MARCHF1: variants seen among roughly 807,000 people sequenced by gnomAD.
MARCHF1 encodes the protein membrane associated ring-CH-type finger 1.
Under a neutral mutation model 54.2 loss-of-function variants are expected in MARCHF1, and 40 were observed. That is an observed-to-expected ratio of 0.74 (90% CI 0.57 to 0.96). MARCHF1 has a LOEUF of 0.96. Among genes scored for constraint, MARCHF1 ranks in the 40% least tolerant of loss-of-function variants. The pLI is 0.00. For synonymous variants in MARCHF1, 236 were observed against 236.3 expected, an observed-to-expected ratio of 1.00 and a Z score of 0.01; for missense variants, 586 against 656.5, an observed-to-expected ratio of 0.89 and a Z score of 1.17.
intron 1 of MARCHF1, among the ~76,000 whole-genome samples, chr4:164,176,324 C>T (rs555411483): frequency 1.2e-4 from 19 of 152,090 alleles, no homozygotes; most frequent in Admixed American, 2.6e-4. Flanking sequence ...GCTTGCCACA[C>T]GCACAGACAT....
intron 3 of MARCHF1, among the ~76,000 whole-genome samples, chr4:163,883,252 T>C (rs1750456538): frequency 2.2e-5 from 1 of 45,010 alleles, no homozygotes; most frequent in Non-Finnish European, 5.2e-5. Flanking sequence ...TGTGTATATA[T>C]ATATATGAGA....
chr4:164,015,900 C>CCAA (rs1560862795), intron 2 of MARCHF1, among the ~76,000 whole-genome samples: 1 of 143,564 alleles, frequency 7.0e-6, no homozygotes. Context: ...TAAGTTTCCC[C>CCAA]AAAAAAAAAA....
chr4:164,037,217 G>C (rs1024045293), intron 2 of MARCHF1, among the ~76,000 whole-genome samples: 2 of 152,146 alleles, frequency 1.3e-5, no homozygotes, highest in African/African-American at 4.8e-5. Context: ...GGATATGCAA[G>C]TCTGAAATTC....
intron 1 of MARCHF1, among the ~76,000 whole-genome samples, chr4:164,188,103 G>T (rs1731020750): frequency 6.6e-6 from 1 of 152,152 alleles, no homozygotes; most frequent in African/African-American, 2.4e-5. Context: ...CTCGAAAGCC[G>T]AGGGCGACAT....
chr4:163,795,866 C>G (rs1022385377), intron 4 of MARCHF1, among the ~76,000 whole-genome samples: 1 of 152,046 alleles, frequency 6.6e-6, no homozygotes, highest in Non-Finnish European at 1.5e-5. Context: ...ATAACATAAA[C>G]AGTTGATTAA....
intron 4 of MARCHF1, among the ~76,000 whole-genome samples, chr4:163,752,200 C>T (rs1561058162): frequency 6.6e-6 from 1 of 152,120 alleles, no homozygotes; most frequent in Non-Finnish European, 1.5e-5. Context: ...GTAAATGCAA[C>T]ACCTAAATGC....
At chr4:164,156,301 G>C (rs1213195130) in intron 1 of MARCHF1, among the ~76,000 whole-genome samples, 1 of 152,132 alleles carries the variant, frequency 6.6e-6, no homozygotes, top group Non-Finnish European at 1.5e-5. Flanking sequence ...AAAATGTCTA[G>C]TATATAGTCC....
At chr4:163,767,395 G>A (rs529333858) in intron 4 of MARCHF1, among the ~76,000 whole-genome samples, 94 of 151,160 alleles carry the variant, frequency 6.2e-4, no homozygotes, top group Non-Finnish European at 1.0e-3. Flanking sequence ...GTGCAGTGGC[G>A]CGATCTCGGC....
intron 3 of MARCHF1, among the ~76,000 whole-genome samples, chr4:163,945,398 A>G (rs1434391658): frequency 6.6e-6 from 1 of 152,184 alleles, no homozygotes; most frequent in African/African-American, 2.4e-5. Context: ...ATAGCTGTCA[A>G]TCTGTTTGGG....
intron 1 of MARCHF1, among the ~76,000 whole-genome samples, chr4:164,298,392 G>A (rs1458083515): frequency 1.3e-5 from 2 of 151,772 alleles, no homozygotes; most frequent in Non-Finnish European, 2.9e-5. Flanking sequence ...AAAAACCTAT[G>A]GTCTGAAATC....
chr4:163,921,934 G>A (rs1316296355), intron 3 of MARCHF1, among the ~76,000 whole-genome samples: 1 of 152,022 alleles, frequency 6.6e-6, no homozygotes, highest in African/African-American at 2.4e-5. Flanking sequence ...GTTTATTGCG[G>A]CACTATTCAC....
At chr4:164,291,172 TAC>T (rs1734275422) in intron 1 of MARCHF1, among the ~76,000 whole-genome samples, 1 of 151,966 alleles carries the variant, frequency 6.6e-6, no homozygotes, top group Non-Finnish European at 1.5e-5. Context: ...AAAATTTGGG[TAC>T]AGTTTTTCTA....
At chr4:164,123,334 C>T (rs1756110792) in intron 1 of MARCHF1, among the ~76,000 whole-genome samples, 1 of 151,976 alleles carries the variant, frequency 6.6e-6, no homozygotes, top group South Asian at 2.1e-4. Flanking sequence ...AAAAATACTC[C>T]ACGTTTAAGG....
intron 1 of MARCHF1, among the ~76,000 whole-genome samples, chr4:164,235,595 G>A (rs1029253814): frequency 2.0e-5 from 3 of 152,122 alleles, no homozygotes; most frequent in Non-Finnish European, 4.4e-5. Context: ...CAACTTGGAT[G>A]GAGCTGGAGA....
chr4:163,786,941 C>T (rs182215334), intron 4 of MARCHF1, among the ~76,000 whole-genome samples: 77 of 151,928 alleles, frequency 5.1e-4, no homozygotes, highest in African/African-American at 1.7e-3. Context: ...CTTGAGAATA[C>T]GGTCAAATGA....
chr4:164,363,834 C>T (rs531376966), intron 1 of MARCHF1, among the ~76,000 whole-genome samples: 6 of 151,864 alleles, frequency 4.0e-5, no homozygotes, highest in African/African-American at 1.4e-4. Flanking sequence ...CTCATTAGCT[C>T]TCCTATTGAG....
chr4:163,873,931 A>G (rs1411402157), intron 3 of MARCHF1, among the ~76,000 whole-genome samples: 7 of 152,206 alleles, frequency 4.6e-5, no homozygotes, highest in Non-Finnish European at 8.8e-5. Flanking sequence ...CCTCAGCCTT[A>G]TGTTCTATAG....
intron 4 of MARCHF1, among the ~76,000 whole-genome samples, chr4:163,806,565 G>A (rs1748229828): frequency 6.6e-6 from 1 of 152,156 alleles, no homozygotes; most frequent in South Asian, 2.1e-4. Flanking sequence ...AAACCATGCT[G>A]TGACAACTTA....
chr4:163,921,982 A>G (rs1751440950), intron 3 of MARCHF1, among the ~76,000 whole-genome samples: 1 of 152,176 alleles, frequency 6.6e-6, no homozygotes, highest in African/African-American at 2.4e-5. Context: ...ATGTCCAACA[A>G]TGATAGACTG....
Sources: gnomAD v4.1 joint callset for allele counts (sites outside exome capture counted in the v4.1 genomes callset) on GRCh38, gnomAD v4.1.1 for gene constraint, MANE v1.5 for transcripts, NCBI Gene and HGNC (gene_info 2026-07-23, HGNC 2026-07-21) for gene names.